SLC7A6: variants seen among roughly 807,000 people sequenced by gnomAD.
SLC7A6 encodes the protein Y+L amino acid transporter 2.
SLC7A6 carries 29 observed loss-of-function variants against 46.6 expected under a neutral mutation model. That is an observed-to-expected ratio of 0.62 (90% CI 0.46 to 0.85). The LOEUF is 0.85. SLC7A6 is among the 40% of genes least tolerant of loss of function. SLC7A6 has a pLI of 0.00. For synonymous variants in SLC7A6, 276 were observed against 257.3 expected, an observed-to-expected ratio of 1.07 and a Z score of -0.70; for missense variants, 527 against 647.6, an observed-to-expected ratio of 0.81 and a Z score of 2.02.
intron 2 of SLC7A6, among the ~76,000 whole-genome samples, chr16:68,268,997 C>T (rs2042581056): frequency 6.6e-6 from 1 of 151,782 alleles, no homozygotes; most frequent in Non-Finnish European, 1.5e-5. Context: ...ACGAGCGAAA[C>T]TCCGTCTAAA....
intron 1 of SLC7A6, among the ~76,000 whole-genome samples, chr16:68,265,356 T>C (rs575841303): frequency 2.7e-4 from 41 of 152,204 alleles, no homozygotes; most frequent in African/African-American, 8.4e-4. Flanking sequence ...TAAGCAAACA[T>C]GTTGTGTAAT....
chr16:68,283,591 A>AATGAAAAAGG (rs56157684), intron 3 of SLC7A6, among the ~76,000 whole-genome samples: 1 of 151,904 alleles, frequency 6.6e-6, no homozygotes, highest in Admixed American at 6.6e-5. Flanking sequence ...GAAAAAGGGA[A>AATGAAAAAGG]GAACAGATAG....
chr16:68,271,497 T>G (rs2042623226), intron 2 of SLC7A6, among the ~76,000 whole-genome samples: 1 of 151,302 alleles, frequency 6.6e-6, no homozygotes, highest in Admixed American at 6.6e-5. Flanking sequence ...TTTTTTGGTG[T>G]AGACAGGGTT....
intron 2 of SLC7A6, among the ~76,000 whole-genome samples, chr16:68,269,261 C>T (rs1253393888): frequency 6.6e-6 from 1 of 152,124 alleles, no homozygotes; most frequent in Non-Finnish European, 1.5e-5. Context: ...TCAATATGGT[C>T]CTATTGATTA....
Position 68,296,534 on chromosome 16 carries a change from T to TAGG in SLC7A6, c.1269+25_1269+27dup, listed in dbSNP as rs539670859. On this transcript the variant is annotated intron_variant, in intron 9 of 10. Transcript: ENST00000219343. Reference sequence around the variant, plus strand: ...TCAAGGTCAGCAGCTCTGGCCAGACTAGGAGGGGTGGGCCATCTCCCTAAG... The same window carrying TAGG: ...TCAAGGTCAGCAGCTCTGGCCAGACTAGGAGGAGGGGTGGGCCATCTCCCTAAG... The TAGG allele has an allele frequency of 4.0e-4, 644 of 1,614,130 alleles. 6 individuals carry two copies. The highest frequency in any genetic ancestry group is 1.1e-3 in the South Asian group (100 of 91,086).
chr16:68,267,284 G>A (rs1341603305), intron 2 of SLC7A6, among the ~76,000 whole-genome samples: 1 of 146,760 alleles, frequency 6.8e-6, no homozygotes, highest in Non-Finnish European at 1.5e-5. Context: ...TGCGATCTTG[G>A]CTCACTGTAA....
chr16:68,294,642 GGAGT>G, intron 7 of SLC7A6, 59 bp from the exon 8 acceptor site: 1 of 1,191,104 alleles, frequency 8.4e-7, no homozygotes, highest in Non-Finnish European at 1.3e-6. Context: ...GTCCAAGTGA[GGAGT>G]GAGTATGGCT....
rs1296939537 is a variant in SLC7A6 at position 68,297,202 on chromosome 16, C to T, written c.1454-32C>T. On this transcript the variant is annotated intron_variant, in intron 10 of 10. Coordinates refer to ENST00000219343, the MANE Select transcript of SLC7A6 (RefSeq NM_003983.6). ...GGTTAGGGCTGTAGCTAGATGTTTA[C>T]TAAACCCTGTGCTTGCTCTATTTTC... The T allele has an allele frequency of 1.9e-6, 3 of 1,604,768 alleles. 1 individual carries two copies. In the South Asian group the frequency reaches 3.3e-5, roughly 18 times the overall value.
rs1355195721 is a variant in SLC7A6, at chr16:68,275,102, A to G, written c.376A>G (p.Ile126Val). The G allele has an allele frequency of 1.2e-6, 2 of 1,614,122 alleles. No homozygotes were observed. Among genetic ancestry groups the G allele is most frequent in the Admixed American group, 1.7e-5 (1 of 60,022 alleles). ...LEAFGGFIAF[I>V]RLWVSLLVVE... ...GGCCTTTGGGGGCTTCATTGCCTTCATCCGCCTGTGGGTCTCACTGCTAGT... is the reference window on the plus strand; with the variant it reads ...GGCCTTTGGGGGCTTCATTGCCTTCGTCCGCCTGTGGGTCTCACTGCTAGT... The change falls in exon 3 of 11, where the codon ATC becomes GTC. Residue 126 changes from isoleucine to valine, a missense_variant. Physicochemically the swap from Ile to Val is conservative, Grantham distance 29. Transcript: ENST00000219343.
intron 3 of SLC7A6, among the ~76,000 whole-genome samples, chr16:68,280,377 A>G (rs930853863): frequency 6.6e-6 from 1 of 152,202 alleles, no homozygotes; most frequent in Admixed American, 6.5e-5. Flanking sequence ...ACTCTAGGGC[A>G]GAGGCTGCCA....
At chr16:68,294,517 G>C (rs767818578) in intron 7 of SLC7A6, among the ~76,000 whole-genome samples, 188 bp from the exon 8 acceptor site, 2 of 151,900 alleles carry the variant, frequency 1.3e-5, no homozygotes, top group Non-Finnish European at 2.9e-5. Flanking sequence ...TGAAGAGGGA[G>C]GGAAAATCTG....
In SLC7A6 at chr16:68,274,730, G is replaced by A; in HGVS notation, c.4G>A (p.Glu2Lys). 1.2e-6 allele frequency: 2 copies of A among 1,613,940 alleles called. No homozygotes were observed. Among genetic ancestry groups the A allele is most frequent in the Non-Finnish European group, 1.7e-6 (2 of 1,179,834 alleles). Residue 2 changes from glutamate (E) to lysine (K), a missense_variant, in exon 3 of 11, where the codon GAA becomes AAA. Transcript: ENST00000219343. ...AGGTGTGCAGGAACCGTTTGTCATG[G>A]AAGCCAGGGAGCCTGGGAGGCCCAC... is the stretch of plus-strand genomic sequence containing the variant. M[E>K]AREPGRPTPT...
At chr16:68,284,909 G>A (rs1315257347) in intron 3 of SLC7A6, among the ~76,000 whole-genome samples, 1 of 119,958 alleles carries the variant, frequency 8.3e-6, no homozygotes, top group African/African-American at 3.3e-5. Flanking sequence ...TGCCCTGGCT[G>A]GAGTGCAGTG....
In SLC7A6 at chr16:68,296,836, C is replaced by T. The variant is rs75513494; in HGVS notation, c.1453+26C>T. 2.5e-3 allele frequency: 3,960 copies of T among 1,612,026 alleles called. 67 individuals carry two copies. In the African/African-American group the frequency reaches 0.039, roughly 16 times the overall value. On this transcript the variant is annotated intron_variant, in intron 10 of 10. Coordinates refer to ENST00000219343, the MANE Select transcript of SLC7A6 (RefSeq NM_003983.6). ...GTGAGCTTCTCTGTGCCCCATTACT[C>T]ACTGGCGGCTATGTGTGCATGCGCA...
At chr16:68,276,535 G>A (rs2042715349) in intron 3 of SLC7A6, among the ~76,000 whole-genome samples, 1 of 152,130 alleles carries the variant, frequency 6.6e-6, no homozygotes, top group Non-Finnish European at 1.5e-5. Context: ...ATTTGTTAAA[G>A]ACAAATTAAA....
chr16:68,275,065 T>A lies in SLC7A6; in HGVS notation c.339T>A (p.Ala113=), dbSNP rs757668299. 1 of 1,614,150 alleles carries A rather than the reference T, an allele frequency of 6.2e-7. No individual in the cohort carries two copies. Among genetic ancestry groups the A allele is most frequent in the Non-Finnish European group, 8.5e-7 (1 of 1,180,036 alleles). ...TCACCAAGTCGGGAGCCAGCTACGC[T>A]TATATTCTAGAGGCCTTTGGGGGCT... ...TTITKSGASY[A]YILEAFGGFI... The change falls in exon 3 of 11, where the codon GCT becomes GCA. Residue 113 remains alanine (A), a synonymous_variant. Transcript: ENST00000219343.
At chr16:68,279,369 C>T (rs2042787672) in intron 3 of SLC7A6, among the ~76,000 whole-genome samples, 1 of 152,122 alleles carries the variant, frequency 6.6e-6, no homozygotes. Context: ...TAATCTCTTT[C>T]ATCAAATACT....
chr16:68,278,961 A>T (rs9925773), intron 3 of SLC7A6, among the ~76,000 whole-genome samples: 1 of 151,256 alleles, frequency 6.6e-6, no homozygotes, highest in Admixed American at 6.6e-5. Flanking sequence ...CCTCCCGGAC[A>T]GGGCGGCTGG....
intron 4 of SLC7A6, among the ~76,000 whole-genome samples, chr16:68,288,534 A>G (rs1203422530): frequency 6.6e-6 from 1 of 152,130 alleles, no homozygotes; most frequent in African/African-American, 2.4e-5. Context: ...AGATATCTCA[A>G]TCATTTCACA....
Sources: allele counts gnomAD v4.1 joint callset (sites outside exome capture counted in the v4.1 genomes callset), GRCh38; gene constraint gnomAD v4.1.1; transcripts MANE v1.5; gene names NCBI Gene and HGNC (gene_info 2026-07-23, HGNC 2026-07-21).